Variants in PIK3R1 observed in about 807,000 individuals in gnomAD.
PIK3R1 encodes phosphoinositide-3-kinase regulatory subunit 1.
A neutral mutation model predicts 98.0 loss-of-function variants in PIK3R1; 29 were observed. That is an observed-to-expected ratio of 0.30 (90% CI 0.22 to 0.40). The LOEUF (loss-of-function observed/expected upper bound fraction) is 0.40. Among genes scored for constraint, PIK3R1 ranks in the 10% least tolerant of loss-of-function variants. The probability of loss-of-function intolerance (pLI) is 1.00; values close to 1 mark genes in which losing one functional copy is unlikely to be tolerated. For synonymous variants in PIK3R1, 282 were observed against 311.8 expected (o/e 0.90, Z 1.01); for missense variants, 596 against 872.7 (o/e 0.68, Z 3.99).
intron 2 of PIK3R1, among the ~76,000 whole-genome samples, chr5:68,270,270 A>G (rs1261625440): frequency 6.6e-6 from 1 of 152,210 alleles, no homozygotes; most frequent in Non-Finnish European, 1.5e-5. Context: ...GACAAAGGAA[A>G]GCAAGGAAGT....
chr5:68,238,583 A>C (rs1012324668), intron 2 of PIK3R1, among the ~76,000 whole-genome samples: 1 of 152,234 alleles, frequency 6.6e-6, no homozygotes, highest in African/African-American at 2.4e-5. Context: ...TAAGTTAAAA[A>C]TGTAATAGCA....
At position 68,294,649 on chromosome 5, in the gene PIK3R1, A is replaced by C; in HGVS notation, c.1539A>C (p.Lys513Asn). The C allele has an allele frequency of 6.2e-7, 1 of 1,608,026 alleles. No individual in the cohort carries two copies. The highest frequency in any genetic ancestry group is 8.5e-7 in the Non-Finnish European group (1 of 1,177,772). ...RYSKEYIEKF[K>N]REGNEKEIQR... The stretch of plus-strand genomic sequence containing the variant: ...GCAAAGAATACATAGAAAAGTTTAA[A>C]CGTGAAGGCAATGAGAAAGAAATAC... The change falls in exon 12 of 16, where the codon AAA becomes AAC. Residue 513 changes from lysine to asparagine, a missense_variant. Coordinates refer to ENST00000521381, the MANE Select transcript of PIK3R1 (RefSeq NM_181523.3).
intron 2 of PIK3R1, among the ~76,000 whole-genome samples, chr5:68,270,351 GCC>G (rs1451970802): frequency 6.6e-6 from 1 of 152,092 alleles, no homozygotes; most frequent in East Asian, 1.9e-4. Context: ...TGGAGCATTT[GCC>G]AGCCCAGCAA....
rs188117152 is a variant in PIK3R1 at position 68,232,165 on chromosome 5, G to A, written c.334+5156G>A. Among the ~76,000 whole-genome samples the A allele has an allele frequency of 4.3e-4, 65 of 152,122 alleles. 1 individual carries two copies. Among genetic ancestry groups the A allele is most frequent in the South Asian group, 1.5e-3 (7 of 4,820 alleles). ...AAATCAGATTAGCCTAACCACTTAG[G>A]GTCACAGAATATGTCATTTGCATAT... On this transcript the variant is annotated intron_variant, in intron 2 of 15. Transcript: ENST00000521381.
intron 7 of PIK3R1, among the ~76,000 whole-genome samples, chr5:68,283,324 G>A (rs1746928184): frequency 1.3e-5 from 2 of 152,196 alleles, no homozygotes; most frequent in South Asian, 4.1e-4. Context: ...AGCTTATGAT[G>A]TTTGAGGCAA....
At chr5:68,248,969 C>T (rs907071145) in intron 2 of PIK3R1, among the ~76,000 whole-genome samples, 40 of 152,078 alleles carry the variant, frequency 2.6e-4, no homozygotes, top group South Asian at 4.1e-4. Flanking sequence ...TGGATGTCAG[C>T]GTTAGGCTAA....
chr5:68,254,031 GA>G (rs1182584140), intron 2 of PIK3R1, among the ~76,000 whole-genome samples: 1 of 139,192 alleles, frequency 7.2e-6, no homozygotes, highest in Non-Finnish European at 1.5e-5. Context: ...AATCTTGAGT[GA>G]TTTTTAAATG....
chr5:68,295,359 AT>A lies in PIK3R1; in HGVS notation c.1745+37del, dbSNP rs781106485. The A allele has an allele frequency of 2.0e-4, 319 of 1,612,704 alleles. 2 individuals carry two copies. Among genetic ancestry groups the A allele is most frequent in the Admixed American group, 2.3e-4 (14 of 60,036 alleles). Reference sequence around the variant, plus strand: ...TGAAATGGAATCCTATACATGAATAATTGGTGATTGCTACAATTCAGGATGA... The same window carrying A: ...TGAAATGGAATCCTATACATGAATAATGGTGATTGCTACAATTCAGGATGA... On this transcript the variant is annotated intron_variant, in intron 13 of 15. Coordinates refer to ENST00000521381, the MANE Select transcript of PIK3R1 (RefSeq NM_181523.3).
chr5:68,225,469 C>A (rs1455508272), intron 1 of PIK3R1, among the ~76,000 whole-genome samples: 1 of 152,164 alleles, frequency 6.6e-6, no homozygotes, highest in Non-Finnish European at 1.5e-5. Flanking sequence ...CTCATTAATG[C>A]AGGATCAGGC....
chr5:68,288,882 G>A (rs1320399591), intron 7 of PIK3R1: 10 of 893,224 alleles, frequency 1.1e-5, no homozygotes, highest in Non-Finnish European at 1.7e-5. Context: ...TGGGAGATTA[G>A]GGGAGACACT....
At chr5:68,294,124 A>G (rs1300982889) in intron 11 of PIK3R1, among the ~76,000 whole-genome samples, 1 of 152,212 alleles carries the variant, frequency 6.6e-6, no homozygotes, top group Non-Finnish European at 1.5e-5. Context: ...AGTTAGTAAT[A>G]ACTGGAAGTT....
intron 2 of PIK3R1, among the ~76,000 whole-genome samples, chr5:68,253,226 G>A (rs1018206437): frequency 6.6e-6 from 1 of 152,004 alleles, no homozygotes; most frequent in Admixed American, 6.6e-5. Flanking sequence ...TTATATCTTT[G>A]TATTTATGCT....
intron 2 of PIK3R1, among the ~76,000 whole-genome samples, chr5:68,250,290 C>A (rs1292407322): frequency 6.6e-6 from 1 of 152,188 alleles, no homozygotes; most frequent in Non-Finnish European, 1.5e-5. Flanking sequence ...TAGAGACAGG[C>A]CCCAGCATGG....
At chr5:68,258,968 G>A (rs940245719) in intron 2 of PIK3R1, among the ~76,000 whole-genome samples, 4 of 152,252 alleles carry the variant, frequency 2.6e-5, no homozygotes, top group East Asian at 1.9e-4. Flanking sequence ...GACCCTCTTA[G>A]CATCTAAGGA....
intron 2 of PIK3R1, among the ~76,000 whole-genome samples, chr5:68,252,209 A>G (rs1561271891): frequency 6.6e-6 from 1 of 152,206 alleles, no homozygotes; most frequent in African/African-American, 2.4e-5. Flanking sequence ...GAGGATCAGC[A>G]GAATTACAGG....
chr5:68,243,092 C>T (rs1744931250), intron 2 of PIK3R1, among the ~76,000 whole-genome samples: 2 of 151,430 alleles, frequency 1.3e-5, no homozygotes, highest in Non-Finnish European at 2.9e-5. Context: ...TCTTTCCTGC[C>T]AGAAATCCCA....
In PIK3R1 at chr5:68,226,996, T is replaced by G; in HGVS notation, c.321T>G (p.Asp107Glu). The G allele has an allele frequency of 6.2e-7, 1 of 1,611,744 alleles. No individual in the cohort carries two copies. The highest frequency in any genetic ancestry group is 8.5e-7 in the Non-Finnish European group (1 of 1,179,068). Residue 107 changes from aspartate to glutamate, a missense_variant, in exon 2 of 16, where the codon GAT (aspartate) becomes GAG (glutamate). By Grantham distance (45) the Asp-to-Glu change is conservative. This residue lies in a region of PIK3R1 where 352 missense variants were observed against 393.3 expected (regional missense o/e 0.90). Coordinates refer to ENST00000521381, the MANE Select transcript of PIK3R1 (RefSeq NM_181523.3). ...VAPGSSKTEADVEQQALTLPD... is the reference protein window; with the variant it reads ...VAPGSSKTEAEVEQQALTLPD... ...CAGGTTCTTCGAAAACTGAAGCAGA[T>G]GTTGAACAACAAGGTCAGTATTGAT...
chr5:68,293,367 C>T lies in PIK3R1; in HGVS notation c.1183C>T (p.Pro395Ser), dbSNP rs1202121850. ...AGATGGGAAATATGGCTTCTCTGACCCATTAACCTTCAGTTCTGTGGTTGA... is the reference window on the plus strand; with the variant it reads ...AGATGGGAAATATGGCTTCTCTGACTCATTAACCTTCAGTTCTGTGGTTGA... ...HRDGKYGFSDPLTFSSVVELI... is the reference protein window; with the variant it reads ...HRDGKYGFSDSLTFSSVVELI... Residue 395 changes from proline (P) to serine (S), a missense_variant, in exon 10 of 16, where the codon CCA (proline) becomes TCA (serine). Physicochemically the swap from Pro to Ser is moderately conservative, Grantham distance 74 (BLOSUM62 -1). This residue lies in a region of PIK3R1 where 37 missense variants were observed against 118.0 expected (regional missense o/e 0.31). Transcript: ENST00000521381. 1 of 1,613,078 alleles carries T rather than the reference C, an allele frequency of 6.2e-7. No individual in the cohort carries two copies. The highest frequency in any genetic ancestry group is 8.5e-7 in the Non-Finnish European group (1 of 1,179,250).
intron 2 of PIK3R1, among the ~76,000 whole-genome samples, chr5:68,249,398 TC>T (rs1161158976): frequency 6.6e-6 from 1 of 152,238 alleles, no homozygotes; most frequent in African/African-American, 2.4e-5. Context: ...CTCTTCTTGG[TC>T]TTTTTGTATT....
Sources: allele counts gnomAD v4.1 joint callset (sites outside exome capture counted in the v4.1 genomes callset), GRCh38; gene constraint gnomAD v4.1.1; regional missense constraint gnomAD v4.1.1; transcripts MANE v1.5; gene names NCBI Gene and HGNC (gene_info 2026-07-23, HGNC 2026-07-21).